Variants in TRDMT1 observed in about 807,000 individuals in gnomAD.
The protein encoded by TRDMT1 is tRNA aspartic acid methyltransferase 1.
In TRDMT1, 49 loss-of-function variants were observed where a neutral mutation model predicts 51.2. That is an observed-to-expected ratio of 0.96 (90% CI 0.76 to 1.21). The LOEUF (loss-of-function observed/expected upper bound fraction) is 1.21. Ranked by LOEUF, TRDMT1 falls within the 50% of genes most tolerant of loss-of-function variation. The probability of loss-of-function intolerance (pLI) is 0.00; values close to 1 mark genes in which losing one functional copy is unlikely to be tolerated. For synonymous variants in TRDMT1, 187 were observed against 164.6 expected (o/e 1.14, Z -1.04); for missense variants, 534 against 462.3 (o/e 1.16, Z -1.42).
intron 1 of TRDMT1, among the ~76,000 whole-genome samples, chr10:17,178,397 T>C (rs1365181563): frequency 1.3e-5 from 2 of 152,108 alleles, no homozygotes; most frequent in Admixed American, 1.3e-4. Flanking sequence ...TGTATTTTGC[T>C]GGGTGAGGTG....
At position 17,148,136 on chromosome 10, in the gene TRDMT1, G is replaced by A. The variant is rs1838280375; in HGVS notation, c.*904C>T. On this transcript the variant is annotated 3_prime_UTR_variant, in exon 11 of 11. Transcript: ENST00000377799. ...CCCTAATTCCAAGAGGTCTGCTGAG[G>A]AAGAGAGACAGAGAAAGTTAAAAGT... The A allele has an allele frequency of 3.0e-6, 3 of 985,380 alleles. No homozygotes were observed. The highest frequency in any genetic ancestry group is 3.5e-5 in the African/African-American group (2 of 57,340). 61.0% of individuals were successfully genotyped at this position (985,380 alleles called of 1,614,324 possible).
At chr10:17,180,717 G>T (rs983598184) in intron 1 of TRDMT1, among the ~76,000 whole-genome samples, 1 of 152,078 alleles carries the variant, frequency 6.6e-6, no homozygotes, top group African/African-American at 2.4e-5. Flanking sequence ...AAATAGTGCC[G>T]TGCTTTTTTT....
chr10:17,153,136 A>G, intron 10 of TRDMT1: 1 of 332,558 alleles, frequency 3.0e-6, no homozygotes, highest in Admixed American at 4.4e-5. Flanking sequence ...GCCAATCGAA[A>G]GCATTCTTTC....
chr10:17,151,424 G>T, intron 10 of TRDMT1: 1 of 976,884 alleles, frequency 1.0e-6, no homozygotes, highest in African/African-American at 1.8e-5. Context: ...AGGACAGAGG[G>T]TTTGGAAGGA....
chr10:17,152,803 C>T (rs1292650979), intron 10 of TRDMT1: 1 of 152,470 alleles, frequency 6.6e-6, no homozygotes, highest in African/African-American at 2.4e-5. Flanking sequence ...CTTGGACTGC[C>T]AATGGAATTA....
chr10:17,193,839 G>A (rs1369362773), intron 1 of TRDMT1, among the ~76,000 whole-genome samples: 2 of 152,090 alleles, frequency 1.3e-5, no homozygotes, highest in Non-Finnish European at 2.9e-5. Flanking sequence ...CCATATAAAA[G>A]CCTGAATAGC....
chr10:17,177,381 T>C (rs997535143), intron 1 of TRDMT1, among the ~76,000 whole-genome samples: 3 of 151,906 alleles, frequency 2.0e-5, no homozygotes, highest in Non-Finnish European at 4.4e-5. Context: ...TCTATATTTT[T>C]AGTAGGGACA....
chr10:17,176,673 C>T (rs1842660862), intron 1 of TRDMT1, among the ~76,000 whole-genome samples: 1 of 152,124 alleles, frequency 6.6e-6, no homozygotes, highest in Non-Finnish European at 1.5e-5. Context: ...ATTCAACTTG[C>T]CTTCTCAAAA....
chr10:17,179,179 C>T (rs187258054), intron 1 of TRDMT1, among the ~76,000 whole-genome samples: 4 of 152,206 alleles, frequency 2.6e-5, no homozygotes, highest in East Asian at 1.9e-4. Flanking sequence ...CTTTCCGGAA[C>T]GTCTCTAGAA....
At chr10:17,193,091 C>T (rs942749845) in intron 1 of TRDMT1, among the ~76,000 whole-genome samples, 6 of 152,160 alleles carry the variant, frequency 3.9e-5, no homozygotes, top group Non-Finnish European at 8.8e-5. Context: ...GAGCCAGGCA[C>T]AGTGGCTCAC....
At position 17,145,390 on chromosome 10, in the gene TRDMT1, T is replaced by C. The variant is rs575657348; in HGVS notation, c.*3650A>G. 33 of 985,376 alleles carry C rather than the reference T, an allele frequency of 3.3e-5. No homozygotes were observed. The East Asian group carries it at 7.9e-4, about 24-fold the overall frequency. 61.0% of individuals were successfully genotyped at this position (985,376 alleles called of 1,614,324 possible). On this transcript the variant is annotated 3_prime_UTR_variant, in exon 11 of 11. Coordinates refer to ENST00000377799, the MANE Select transcript of TRDMT1 (RefSeq NM_004412.7). ...AAGAAGCTGATATGATAGTTGTATA[T>C]AGCACATTTGAATGGTAGATGGAAG...
At chr10:17,190,907 A>G (rs1844601575) in intron 1 of TRDMT1, among the ~76,000 whole-genome samples, 1 of 152,242 alleles carries the variant, frequency 6.6e-6, no homozygotes, top group Admixed American at 6.5e-5. Context: ...AATAAAAAGT[A>G]CTATGGAGAA....
chr10:17,164,299 C>T (rs1196484075), intron 3 of TRDMT1, among the ~76,000 whole-genome samples: 1 of 152,146 alleles, frequency 6.6e-6, no homozygotes, highest in African/African-American at 2.4e-5. Context: ...GCAGAAAAGA[C>T]CTTTGACAAA....
chr10:17,195,194 A>G (rs1402802769), intron 1 of TRDMT1, among the ~76,000 whole-genome samples: 1 of 152,190 alleles, frequency 6.6e-6, no homozygotes, highest in Non-Finnish European at 1.5e-5. Flanking sequence ...ACTAGTCACA[A>G]TAGCAAAGAC....
At position 17,147,089 on chromosome 10, in the gene TRDMT1, A is replaced by C; in HGVS notation, c.*1951T>G. The C allele has an allele frequency of 2.0e-6, 2 of 985,790 alleles. No individual in the cohort carries two copies. The highest frequency in any genetic ancestry group is 2.4e-6 in the Non-Finnish European group (2 of 829,924). The allele number at this position is 985,790 out of a possible 1,614,324, so 61.1% of individuals were successfully genotyped here. A position where few individuals can be genotyped will look rare whatever the true frequency, so the allele number is the denominator to read the frequency against. ...AGTAACTCGACACTTATTTTGTATA[A>C]TGTTGCTCAACCGAATGTGGGATAC... On this transcript the variant is annotated 3_prime_UTR_variant, in exon 11 of 11. Coordinates refer to ENST00000377799, the MANE Select transcript of TRDMT1 (RefSeq NM_004412.7).
At chr10:17,165,100 C>T (rs1387189856) in intron 3 of TRDMT1, among the ~76,000 whole-genome samples, 16 of 152,282 alleles carry the variant, frequency 1.1e-4, no homozygotes, top group Admixed American at 2.6e-4. Flanking sequence ...GGAGGCATCA[C>T]GCTACCTGAC....
At chr10:17,195,756 C>A (rs147370530) in intron 1 of TRDMT1, among the ~76,000 whole-genome samples, 73 of 152,220 alleles carry the variant, frequency 4.8e-4, no homozygotes, top group East Asian at 1.9e-4. Flanking sequence ...TTACGTATTT[C>A]TTTTTTGTAT....
chr10:17,164,353 T>A (rs570511745), intron 3 of TRDMT1, among the ~76,000 whole-genome samples: 1 of 152,316 alleles, frequency 6.6e-6, no homozygotes, highest in African/African-American at 2.4e-5. Context: ...AAATTAGGTA[T>A]TGATGGGACA....
rs1260180715 is a variant in TRDMT1, at chr10:17,144,771, G to C, written c.*4269C>G. ...AAAATGTTCCTAGACAGCCTAAAGA[G>C]AGAAACGGAAGCTAGAAACAACAAC... is the stretch of plus-strand genomic sequence containing the variant. On this transcript the variant is annotated 3_prime_UTR_variant, in exon 11 of 11. Transcript: ENST00000377799. 5 of 985,142 alleles carry C rather than the reference G, an allele frequency of 5.1e-6. No homozygotes were observed. The highest frequency in any genetic ancestry group is 3.6e-6 in the Non-Finnish European group (3 of 829,906). 61.0% of individuals were successfully genotyped at this position (985,142 alleles called of 1,614,324 possible).
Sources: gnomAD v4.1 joint callset for allele counts (sites outside exome capture counted in the v4.1 genomes callset) on GRCh38, gnomAD v4.1.1 for gene constraint, MANE v1.5 for transcripts, NCBI Gene and HGNC (gene_info 2026-07-23, HGNC 2026-07-21) for gene names.